OLFM2: variants seen among roughly 807,000 people sequenced by gnomAD.
The protein encoded by OLFM2 is olfactomedin 2.
A neutral mutation model predicts 43.9 loss-of-function variants in OLFM2; 20 were observed. The ratio of observed to expected loss-of-function variants is 0.46; its 90% CI spans 0.32 to 0.66. OLFM2 has a LOEUF of 0.66. Ranked by LOEUF, OLFM2 falls within the 30% of genes least tolerant of loss-of-function variation. OLFM2 has a pLI of 0.04. For synonymous variants in OLFM2, 268 were observed against 278.6 expected (o/e 0.96, Z 0.38); for missense variants, 416 against 643.6 (o/e 0.65, Z 3.83).
intron 1 of OLFM2, among the ~76,000 whole-genome samples, chr19:9,903,830 C>A (rs1037558341): frequency 6.6e-6 from 1 of 152,182 alleles, no homozygotes; most frequent in Non-Finnish European, 1.5e-5. Context: ...ATCTGCAGAA[C>A]CAAAGTCATA....
intron 1 of OLFM2, among the ~76,000 whole-genome samples, chr19:9,876,334 GCCAGGGACA>G (rs1446535381): frequency 6.6e-6 from 1 of 152,182 alleles, no homozygotes; most frequent in African/African-American, 2.4e-5. Context: ...CACACCGATA[GCCAGGGACA>G]CCCCTATACA....
At chr19:9,874,251 G>A (rs1599473413) in intron 1 of OLFM2, among the ~76,000 whole-genome samples, 1 of 150,436 alleles carries the variant, frequency 6.6e-6, no homozygotes, top group Non-Finnish European at 1.5e-5. Context: ...GGTCTATGAC[G>A]TTTCTGTCTT....
At chr19:9,920,946 G>A (rs1052857134) in intron 1 of OLFM2, among the ~76,000 whole-genome samples, 5 of 151,852 alleles carry the variant, frequency 3.3e-5, no homozygotes, top group African/African-American at 1.2e-4. Flanking sequence ...ATTTCTGGGT[G>A]GTAAAAAACT....
At chr19:9,928,009 C>G (rs1321666245) in intron 1 of OLFM2, among the ~76,000 whole-genome samples, 1 of 151,940 alleles carries the variant, frequency 6.6e-6, no homozygotes, top group Non-Finnish European at 1.5e-5. Flanking sequence ...CCAGCCTGGG[C>G]AACATAGTGA....
At chr19:9,915,499 TA>T (rs1229965989) in intron 1 of OLFM2, among the ~76,000 whole-genome samples, 2 of 67,510 alleles carry the variant, frequency 3.0e-5, no homozygotes, top group African/African-American at 6.3e-5. Context: ...GGGACTTTTT[TA>T]TTTATTTATT....
intron 1 of OLFM2, among the ~76,000 whole-genome samples, chr19:9,900,820 G>T (rs185404344): frequency 1.3e-5 from 2 of 150,446 alleles, no homozygotes; most frequent in East Asian, 3.9e-4. Context: ...GAGCCCAGGA[G>T]GTTGAGGCTG....
chr19:9,862,498 C>T (rs1446385068), intron 1 of OLFM2, among the ~76,000 whole-genome samples: 1 of 151,306 alleles, frequency 6.6e-6, no homozygotes, highest in African/African-American at 2.4e-5. Flanking sequence ...ATAACAAGAC[C>T]TCATCTATAC....
At chr19:9,865,084 AGAGG>A (rs1266912432) in intron 1 of OLFM2, among the ~76,000 whole-genome samples, 2 of 151,904 alleles carry the variant, frequency 1.3e-5, no homozygotes, top group Non-Finnish European at 2.9e-5. Flanking sequence ...GCCCAGTACA[AGAGG>A]AATACCCCAA....
At chr19:9,918,870 T>G (rs2086401901) in intron 1 of OLFM2, among the ~76,000 whole-genome samples, 2 of 150,660 alleles carry the variant, frequency 1.3e-5, no homozygotes, top group Non-Finnish European at 3.0e-5. Flanking sequence ...GGGGTGGGAG[T>G]GGAGATGGAA....
intron 1 of OLFM2, among the ~76,000 whole-genome samples, chr19:9,906,569 G>A (rs1332830085): frequency 6.6e-6 from 1 of 152,054 alleles, no homozygotes; most frequent in African/African-American, 2.4e-5. Flanking sequence ...AGATCCAGGC[G>A]GAGGGGCAGA....
chr19:9,921,883 C>G (rs1168619941), intron 1 of OLFM2, among the ~76,000 whole-genome samples: 1 of 152,086 alleles, frequency 6.6e-6, no homozygotes, highest in Non-Finnish European at 1.5e-5. Context: ...GGTTTGAACC[C>G]AGGAATTTGA....
chr19:9,880,563 C>T (rs1028162592), intron 1 of OLFM2, among the ~76,000 whole-genome samples: 1 of 152,042 alleles, frequency 6.6e-6, no homozygotes, highest in Non-Finnish European at 1.5e-5. Context: ...CACCACTGCA[C>T]TCCAACCTGA....
chr19:9,853,926 A>T lies in OLFM2; in HGVS notation c.*260T>A. On this transcript the variant is annotated 3_prime_UTR_variant, in exon 6 of 6. Coordinates refer to ENST00000264833, the MANE Select transcript of OLFM2 (RefSeq NM_058164.4). ...GAGACGGAAAGAACTGGAGAACCAGAGCCATAAAAAGAAAAAGACATCCAT... is the reference window on the plus strand; with the variant it reads ...GAGACGGAAAGAACTGGAGAACCAGTGCCATAAAAAGAAAAAGACATCCAT... 1.7e-6 allele frequency: 1 copy of T among 579,694 alleles called. No individual in the cohort carries two copies. The highest frequency in any genetic ancestry group is 3.0e-6 in the Non-Finnish European group (1 of 329,094). 35.9% of individuals were successfully genotyped at this position (579,694 alleles called of 1,614,324 possible).
chr19:9,909,981 G>A (rs1020753207), intron 1 of OLFM2, among the ~76,000 whole-genome samples: 5 of 151,954 alleles, frequency 3.3e-5, no homozygotes, highest in South Asian at 2.1e-4. Flanking sequence ...GCCTATGTGC[G>A]CCACACCTTA....
At chr19:9,889,053 G>A (rs1466247272) in intron 1 of OLFM2, among the ~76,000 whole-genome samples, 2 of 149,452 alleles carry the variant, frequency 1.3e-5, no homozygotes, top group African/African-American at 2.5e-5. Flanking sequence ...GTGACAGAGC[G>A]AGACTCCGTC....
chr19:9,886,726 TTTTC>T (rs139999818), intron 1 of OLFM2, among the ~76,000 whole-genome samples: 38,579 of 151,570 alleles, frequency 0.25, 5,151 homozygotes, highest in South Asian at 0.3. Context: ...TCTCGTTTCT[TTTTC>T]TTTCTTTCTT....
intron 1 of OLFM2, among the ~76,000 whole-genome samples, chr19:9,881,901 T>C (rs1272500806): frequency 1.3e-5 from 2 of 152,092 alleles, no homozygotes; most frequent in African/African-American, 4.8e-5. Flanking sequence ...CACCTCCAAA[T>C]ACAGTCACAT....
At chr19:9,880,796 C>A (rs187208332) in intron 1 of OLFM2, among the ~76,000 whole-genome samples, 9 of 152,184 alleles carry the variant, frequency 5.9e-5, no homozygotes, top group Non-Finnish European at 1.3e-4. Context: ...AGCCACCCAG[C>A]CCAAAGCACT....
intron 1 of OLFM2, among the ~76,000 whole-genome samples, chr19:9,889,727 G>T (rs547980453): frequency 6.6e-6 from 1 of 152,158 alleles, no homozygotes; most frequent in Non-Finnish European, 1.5e-5. Flanking sequence ...ATGAATGCGT[G>T]TGTGTGCGCC....
Sources: gnomAD v4.1 joint callset for allele counts (sites outside exome capture counted in the v4.1 genomes callset) on GRCh38, gnomAD v4.1.1 for gene constraint, MANE v1.5 for transcripts, NCBI Gene and HGNC (gene_info 2026-07-23, HGNC 2026-07-21) for gene names.